The following USP3 variants were observed in gnomAD, a reference collection of about 807,000 sequenced individuals.
USP3 encodes the protein ubiquitin specific peptidase 3, also known as ubiquitin carboxyl-terminal hydrolase 3.
USP3 carries 20 observed loss-of-function variants against 72.3 expected under a neutral mutation model. The observed-to-expected ratio is 0.28, with a 90% CI of 0.19 to 0.40. The LOEUF is 0.40. Ranked by LOEUF, USP3 falls within the 10% of genes least tolerant of loss-of-function variation. USP3 has a pLI of 1.00. For synonymous variants in USP3, 222 were observed against 225.3 expected, an observed-to-expected ratio of 0.99 and a Z score of 0.13; for missense variants, 479 against 633.9, an observed-to-expected ratio of 0.76 and a Z score of 2.62.
At chr15:63,561,738 G>C (rs2066611303) in intron 7 of USP3, among the ~76,000 whole-genome samples, 3 of 152,216 alleles carry the variant, frequency 2.0e-5, no homozygotes, top group Admixed American at 2.0e-4. Flanking sequence ...TAAAAGTAGG[G>C]ATTCTCCAAC....
At chr15:63,516,728 G>A (rs114764845) in intron 1 of USP3, among the ~76,000 whole-genome samples, 1,759 of 151,546 alleles carry the variant, frequency 0.012, 32 homozygotes, top group African/African-American at 0.04. Context: ...AATTCTTTAA[G>A]GTATTCTTTT....
intron 1 of USP3, among the ~76,000 whole-genome samples, chr15:63,510,942 T>C (rs1350489849): frequency 6.6e-6 from 1 of 152,148 alleles, no homozygotes; most frequent in Non-Finnish European, 1.5e-5. Flanking sequence ...TGAATGAACT[T>C]TGGCTTAGAA....
chr15:63,519,360 A>C (rs1043196632), intron 1 of USP3, among the ~76,000 whole-genome samples: 1 of 149,388 alleles, frequency 6.7e-6, no homozygotes, highest in Admixed American at 6.6e-5. Flanking sequence ...CTAACATCAT[A>C]ATGTCTTGTT....
At chr15:63,572,908 G>A (rs1025997272) in intron 9 of USP3, among the ~76,000 whole-genome samples, 3 of 152,158 alleles carry the variant, frequency 2.0e-5, no homozygotes, top group Admixed American at 6.5e-5. Flanking sequence ...TAACCTCAGC[G>A]TCCTCATCTA....
At chr15:63,522,688 T>G (rs2065935481) in intron 1 of USP3, among the ~76,000 whole-genome samples, 1 of 152,232 alleles carries the variant, frequency 6.6e-6, no homozygotes, top group Non-Finnish European at 1.5e-5. Flanking sequence ...AGTTAGAAAT[T>G]AAAATGTATT....
chr15:63,589,745 T>C (rs1277062230), intron 14 of USP3, among the ~76,000 whole-genome samples: 1 of 151,560 alleles, frequency 6.6e-6, no homozygotes, highest in African/African-American at 2.4e-5. Context: ...GCATAGTGAA[T>C]TTCCTGGATC....
At chr15:63,515,631 A>G (rs1305487427) in intron 1 of USP3, 1 of 152,240 alleles carries the variant, frequency 6.6e-6, no homozygotes, top group Non-Finnish European at 1.5e-5. Context: ...CTGACCCCAA[A>G]TGATAAACTG....
chr15:63,547,866 T>TAGAGAGAG (rs112905081), intron 3 of USP3, among the ~76,000 whole-genome samples: 4 of 20,880 alleles, frequency 1.9e-4, no homozygotes, highest in East Asian at 9.8e-4. Context: ...GAGAGAGGCA[T>TAGAGAGAG]AGAGAGAGAG....
intron 1 of USP3, among the ~76,000 whole-genome samples, chr15:63,531,680 A>C (rs1266419524): frequency 6.6e-6 from 1 of 152,156 alleles, no homozygotes. Context: ...TGGGTATCCT[A>C]AACTAAGAAA....
chr15:63,514,219 C>T (rs2065823417), intron 1 of USP3, among the ~76,000 whole-genome samples: 1 of 151,728 alleles, frequency 6.6e-6, no homozygotes, highest in African/African-American at 2.4e-5. Context: ...TTTAGAGCCT[C>T]ATTTAAAAAA....
intron 3 of USP3, among the ~76,000 whole-genome samples, chr15:63,549,080 C>T (rs1004991783): frequency 9.9e-5 from 15 of 152,006 alleles, no homozygotes; most frequent in Admixed American, 8.5e-4. Context: ...ATTTTTTTAA[C>T]CCAGTATATC....
chr15:63,589,068 C>A, intron 14 of USP3, 57 bp downstream of exon 14: 2 of 1,585,202 alleles, frequency 1.3e-6, no homozygotes, highest in Non-Finnish European at 1.7e-6. Flanking sequence ...AGCCCAATGA[C>A]CTGCAGTTTT....
intron 9 of USP3, among the ~76,000 whole-genome samples, chr15:63,573,647 C>T (rs2066815642): frequency 1.3e-5 from 2 of 152,200 alleles, no homozygotes; most frequent in African/African-American, 2.4e-5. Context: ...TGAGAGTTCC[C>T]TGTAATGTAA....
chr15:63,529,873 A>G lies in USP3; in HGVS notation c.92-2774A>G, dbSNP rs1050990975. Reference sequence around the variant, plus strand: ...AGGCCAGGTGCAGAGGCTCATACCTATAATCTGGGCACTTTGGGAGGCTGA... The same window carrying G: ...AGGCCAGGTGCAGAGGCTCATACCTGTAATCTGGGCACTTTGGGAGGCTGA... On this transcript the variant is annotated intron_variant, in intron 1 of 14. Transcript: ENST00000380324. The surrounding 1 kb of genome is among the most constrained non-coding windows in gnomAD (Gnocchi z 4.2). Among the ~76,000 whole-genome samples, 17 of 152,234 alleles carry G rather than the reference A, an allele frequency of 1.1e-4. 1 individual carries two copies. In the South Asian group the frequency reaches 3.1e-3, roughly 28 times the overall value.
rs150519390 is a variant in USP3 at position 63,521,921 on chromosome 15, A to G, written c.92-10726A>G. On this transcript the variant is annotated intron_variant, in intron 1 of 14. Transcript: ENST00000380324. ...CAGAGGAATGGCATCTTGGATTCCC[A>G]GATGCTGCTGCTGGTCTCCTCCGGT... Among the ~76,000 whole-genome samples the G allele has an allele frequency of 9.5e-4, 144 of 152,358 alleles. 1 individual carries two copies. The highest frequency in any genetic ancestry group is 3.4e-3 in the African/African-American group (141 of 41,582).
At chr15:63,556,965 C>G (rs934458479) in intron 5 of USP3, 18 of 418,952 alleles carry the variant, frequency 4.3e-5, no homozygotes, top group African/African-American at 3.6e-4. Context: ...AGCGTTACTG[C>G]TGTGCTCCTC....
At chr15:63,552,722 C>T (rs551893826) in intron 3 of USP3, among the ~76,000 whole-genome samples, 1 of 152,038 alleles carries the variant, frequency 6.6e-6, no homozygotes, top group South Asian at 2.1e-4. Context: ...TTTTCCCCAC[C>T]CCTTTCTCTC....
At chr15:63,571,330 T>C (rs1024510475) in intron 9 of USP3, among the ~76,000 whole-genome samples, 3 of 152,216 alleles carry the variant, frequency 2.0e-5, no homozygotes, top group Non-Finnish European at 4.4e-5. Flanking sequence ...TAGGTGTCAT[T>C]GTATTGCCTG....
intron 3 of USP3, among the ~76,000 whole-genome samples, chr15:63,543,387 C>A (rs565862713): frequency 1.6e-3 from 240 of 152,136 alleles, no homozygotes; most frequent in Non-Finnish European, 2.4e-3. Context: ...GCAGTGGTCT[C>A]CAAAATAATG....
Sources: gnomAD v4.1 joint callset for allele counts (sites outside exome capture counted in the v4.1 genomes callset) on GRCh38, gnomAD v4.1.1 for gene constraint, Gnocchi (gnomAD v3.1) non-coding constraint, MANE v1.5 for transcripts, NCBI Gene and HGNC (gene_info 2026-07-23, HGNC 2026-07-21) for gene names.